The following SLC35F1 variants were observed in gnomAD, a reference collection of about 807,000 sequenced individuals.
SLC35F1 encodes the protein chromosome 6 open reading frame 169.
A neutral mutation model predicts 48.7 loss-of-function variants in SLC35F1; 14 were observed. That is an observed-to-expected ratio of 0.29 (90% CI 0.19 to 0.45). SLC35F1 has a LOEUF of 0.45. SLC35F1 is among the 20% of genes least tolerant of loss of function. SLC35F1 has a pLI of 1.00. For missense variants in SLC35F1, 404 were observed against 500.0 expected (o/e 0.81, Z 1.83); for synonymous variants, 190 against 202.2 (o/e 0.94, Z 0.51).
chr6:118,230,061 G>A (rs999011417), intron 2 of SLC35F1, among the ~76,000 whole-genome samples: 40 of 152,176 alleles, frequency 2.6e-4, no homozygotes, highest in African/African-American at 9.7e-4. Flanking sequence ...ATAAGTGTCA[G>A]CCAGGCATGG....
chr6:118,048,552 A>G (rs1448278396), intron 1 of SLC35F1, among the ~76,000 whole-genome samples: 2 of 152,194 alleles, frequency 1.3e-5, no homozygotes, highest in Non-Finnish European at 2.9e-5. Flanking sequence ...AATCACAAGC[A>G]TTCTTATACA....
chr6:118,060,916 G>A (rs377507663), intron 1 of SLC35F1, among the ~76,000 whole-genome samples: 2 of 152,310 alleles, frequency 1.3e-5, no homozygotes. Context: ...ACACAGTGTG[G>A]TCCTAAAGCC....
At chr6:118,175,151 T>C (rs1007421000) in intron 2 of SLC35F1, among the ~76,000 whole-genome samples, 1 of 152,120 alleles carries the variant, frequency 6.6e-6, no homozygotes, top group Non-Finnish European at 1.5e-5. Flanking sequence ...TTATAAAAAA[T>C]AATTAATGGT....
At chr6:118,018,101 G>A (rs1198921661) in intron 1 of SLC35F1, among the ~76,000 whole-genome samples, 2 of 152,142 alleles carry the variant, frequency 1.3e-5, no homozygotes, top group Non-Finnish European at 2.9e-5. Flanking sequence ...GGCCGGGCAC[G>A]GTGGCTCATG....
Position 118,121,000 on chromosome 6 carries a change from TA to T in SLC35F1, c.174-33444del, listed in dbSNP as rs527657931. Reference sequence around the variant, plus strand: ...TTAGCAGTCCTATCAGAAATATATATATTTTTTTATTTCAAGTAAACTCAAA... The same window carrying T: ...TTAGCAGTCCTATCAGAAATATATATTTTTTTTATTTCAAGTAAACTCAAA... On this transcript the variant is annotated intron_variant, in intron 1 of 7. Coordinates refer to ENST00000360388, the MANE Select transcript of SLC35F1 (RefSeq NM_001029858.4). 5.1e-4 allele frequency among the ~76,000 whole-genome samples: 77 copies of T among 152,232 alleles called. 2 individuals carry two copies. In the South Asian group the frequency reaches 8.1e-3, roughly 16 times the overall value.
At chr6:118,204,941 C>G (rs1045662281) in intron 2 of SLC35F1, among the ~76,000 whole-genome samples, 2 of 152,214 alleles carry the variant, frequency 1.3e-5, no homozygotes, top group Non-Finnish European at 2.9e-5. Flanking sequence ...AGCAAGCAAT[C>G]CCATGAATAA....
chr6:118,102,602 C>T (rs1166774375), intron 1 of SLC35F1, among the ~76,000 whole-genome samples: 3 of 152,214 alleles, frequency 2.0e-5, no homozygotes, highest in Admixed American at 6.5e-5. Flanking sequence ...GACAGTTTCA[C>T]GTTGTGGCAC....
At chr6:118,286,869 C>A (rs1316901873) in intron 7 of SLC35F1, among the ~76,000 whole-genome samples, 2 of 151,564 alleles carry the variant, frequency 1.3e-5, no homozygotes, top group African/African-American at 2.4e-5. Context: ...GTACAGGTTA[C>A]CACTAACTAT....
intron 6 of SLC35F1, among the ~76,000 whole-genome samples, chr6:118,282,967 C>G (rs917291540): frequency 6.6e-6 from 1 of 152,166 alleles, no homozygotes; most frequent in African/African-American, 2.4e-5. Context: ...GCCAAAATCA[C>G]CTTTTGAAAA....
chr6:118,118,857 G>A (rs993196650), intron 1 of SLC35F1, among the ~76,000 whole-genome samples: 2 of 151,924 alleles, frequency 1.3e-5, no homozygotes, highest in Non-Finnish European at 1.5e-5. Flanking sequence ...TGATACCCAT[G>A]GTAAGATGTA....
intron 1 of SLC35F1, among the ~76,000 whole-genome samples, chr6:118,062,901 G>A (rs780707125): frequency 1.1e-4 from 16 of 152,084 alleles, no homozygotes; most frequent in Non-Finnish European, 1.9e-4. Flanking sequence ...AAAAGAAATA[G>A]AGCAAGATAT....
intron 3 of SLC35F1, among the ~76,000 whole-genome samples, chr6:118,238,024 C>A (rs1775388261): frequency 6.6e-6 from 1 of 152,120 alleles, no homozygotes; most frequent in Admixed American, 6.5e-5. Context: ...TTTCCTTCCA[C>A]CTCCCCTCTT....
intron 4 of SLC35F1, among the ~76,000 whole-genome samples, chr6:118,273,442 A>G (rs1335090600): frequency 1.3e-5 from 2 of 152,204 alleles, no homozygotes; most frequent in African/African-American, 2.4e-5. Flanking sequence ...TAGTACAACA[A>G]TAATTGATAT....
intron 2 of SLC35F1, among the ~76,000 whole-genome samples, chr6:118,227,381 G>T (rs1250065979): frequency 6.6e-6 from 1 of 152,164 alleles, no homozygotes; most frequent in Non-Finnish European, 1.5e-5. Flanking sequence ...GTATAAATAT[G>T]TACTTAGTTT....
intron 1 of SLC35F1, among the ~76,000 whole-genome samples, chr6:117,917,605 A>C (rs972796766): frequency 6.6e-6 from 1 of 152,058 alleles, no homozygotes; most frequent in African/African-American, 2.4e-5. Context: ...CAATTGGGTG[A>C]GCGATGGTGC....
At chr6:118,127,947 C>A (rs1773652241) in intron 1 of SLC35F1, among the ~76,000 whole-genome samples, 1 of 152,120 alleles carries the variant, frequency 6.6e-6, no homozygotes, top group South Asian at 2.1e-4. Flanking sequence ...CTACAAAGAA[C>A]TGAAACAAAT....
intron 1 of SLC35F1, among the ~76,000 whole-genome samples, chr6:117,945,862 G>A (rs1412274241): frequency 6.6e-6 from 1 of 152,206 alleles, no homozygotes; most frequent in Admixed American, 6.5e-5. Flanking sequence ...CCCCCAGAGT[G>A]AACTTTTAGA....
At chr6:118,166,785 A>G (rs1228604796) in intron 2 of SLC35F1, among the ~76,000 whole-genome samples, 1 of 152,184 alleles carries the variant, frequency 6.6e-6, no homozygotes, top group Non-Finnish European at 1.5e-5. Flanking sequence ...TAGACACCCA[A>G]AAGGAAAGTC....
chr6:118,132,309 C>A (rs1024931945), intron 1 of SLC35F1, among the ~76,000 whole-genome samples: 1 of 152,166 alleles, frequency 6.6e-6, no homozygotes, highest in Non-Finnish European at 1.5e-5. Flanking sequence ...CAGTGCAATG[C>A]ATGTTTGGCA....
Sources: gnomAD v4.1 joint callset for allele counts (sites outside exome capture counted in the v4.1 genomes callset) on GRCh38, gnomAD v4.1.1 for gene constraint, MANE v1.5 for transcripts, NCBI Gene and HGNC (gene_info 2026-07-23, HGNC 2026-07-21) for gene names.